Variants in NRXN1 observed in about 807,000 individuals in gnomAD.
NRXN1 encodes the protein neurexin-1.
A neutral mutation model predicts 150.9 loss-of-function variants in NRXN1; 39 were observed. The observed-to-expected ratio is 0.26, with a 90% CI of 0.20 to 0.34. The LOEUF (loss-of-function observed/expected upper bound fraction) is 0.34, where lower values mean the gene tolerates loss of function less well. Ranked by LOEUF, NRXN1 falls within the 10% of genes least tolerant of loss-of-function variation. The probability of loss-of-function intolerance (pLI) is 1.00; values close to 1 mark genes in which losing one functional copy is unlikely to be tolerated. For synonymous variants in NRXN1, 924 were observed against 757.0 expected (o/e 1.22, Z -3.62); for missense variants, 1,815 against 1,949.9 (o/e 0.93, Z 1.30).
chr2:50,761,459 T>C (rs774406556), intron 5 of NRXN1, among the ~76,000 whole-genome samples: 11 of 151,952 alleles, frequency 7.2e-5, no homozygotes, highest in Non-Finnish European at 1.5e-4. Context: ...CCATGTAAGA[T>C]GCGCCTTTGC....
intron 5 of NRXN1, among the ~76,000 whole-genome samples, chr2:50,839,892 G>T (rs1374223570): frequency 6.6e-6 from 1 of 152,068 alleles, no homozygotes; most frequent in African/African-American, 2.4e-5. Flanking sequence ...TTTTAAGTAG[G>T]GTGGGAGGGG....
At chr2:50,046,451 T>C (rs761801887) in intron 21 of NRXN1, among the ~76,000 whole-genome samples, 1 of 152,190 alleles carries the variant, frequency 6.6e-6, no homozygotes, top group African/African-American at 2.4e-5. Flanking sequence ...GTAAGAAAGA[T>C]GCTTTAATTT....
At position 50,228,941 on chromosome 2, in the gene NRXN1, G is replaced by A. The variant is rs370652227; in HGVS notation, c.3546+7848C>T. 4.9e-4 allele frequency among the ~76,000 whole-genome samples: 74 copies of A among 151,996 alleles called. 1 individual carries two copies. The East Asian group carries it at 0.011, about 23-fold the overall frequency. The stretch of plus-strand genomic sequence containing the variant: ...GGAGAGAGGCCTCCTCTGTGTTGTC[G>A]ATATAAGAATCCCTAGTTCTGGTCT... On this transcript the variant is annotated intron_variant, in intron 18 of 22. Transcript: ENST00000401669.
intron 17 of NRXN1, among the ~76,000 whole-genome samples, chr2:50,383,606 T>C (rs2081121497): frequency 6.6e-6 from 1 of 152,198 alleles, no homozygotes; most frequent in African/African-American, 2.4e-5. Context: ...CACCCCCTAC[T>C]ATGGCTTTAT....
chr2:50,507,790 G>C (rs1051481755), intron 12 of NRXN1, among the ~76,000 whole-genome samples: 1 of 151,814 alleles, frequency 6.6e-6, no homozygotes, highest in African/African-American at 2.4e-5. Context: ...TTTTTCCCTG[G>C]TGTTTTTTTA....
chr2:50,342,630 C>A (rs1485236008), intron 17 of NRXN1, among the ~76,000 whole-genome samples: 1 of 152,332 alleles, frequency 6.6e-6, no homozygotes, highest in Middle Eastern at 3.4e-3. Flanking sequence ...CTGCAGGACT[C>A]CAGTGAGGTA....
At chr2:49,989,738 T>C (rs1423820559) in intron 21 of NRXN1, among the ~76,000 whole-genome samples, 1 of 152,170 alleles carries the variant, frequency 6.6e-6, no homozygotes. Context: ...ATAAATCTTA[T>C]CTATAGCAAG....
intron 5 of NRXN1, among the ~76,000 whole-genome samples, chr2:50,732,865 A>G (rs1488803885): frequency 1.3e-5 from 2 of 152,170 alleles, no homozygotes. Flanking sequence ...GTGAAGCTGA[A>G]TGTACAAAAC....
At chr2:50,840,605 T>TACC in intron 5 of NRXN1, among the ~76,000 whole-genome samples, 1 of 152,218 alleles carries the variant, frequency 6.6e-6, no homozygotes, top group East Asian at 1.9e-4. Context: ...TGCTCCCTCT[T>TACC]ACCATGCCTT....
At position 50,017,299 on chromosome 2, in the gene NRXN1, G is replaced by GC. The variant is rs200557304; in HGVS notation, c.4128+35971dup. The stretch of plus-strand genomic sequence containing the variant: ...CACTTATTTCAAATGTGCAGTAACA[G>GC]CCCCCAAGTGATGTATTGTCAAAAT... On this transcript the variant is annotated intron_variant, in intron 21 of 22. Transcript: ENST00000401669. 2.4e-4 allele frequency among the ~76,000 whole-genome samples: 37 copies of GC among 152,144 alleles called. No homozygotes were observed. In the East Asian group the frequency reaches 7.0e-3, roughly 29 times the overall value.
chr2:50,488,868 C>A (rs1156702118), intron 15 of NRXN1, among the ~76,000 whole-genome samples: 1 of 152,186 alleles, frequency 6.6e-6, no homozygotes, highest in Non-Finnish European at 1.5e-5. Flanking sequence ...TCTAAGAAGA[C>A]AACGCATCAC....
chr2:50,117,500 G>T (rs1169879263), intron 18 of NRXN1, among the ~76,000 whole-genome samples: 1 of 152,078 alleles, frequency 6.6e-6, no homozygotes, highest in African/African-American at 2.4e-5. Context: ...AGCCTGAAAG[G>T]TAGAAGGCAG....
At chr2:50,252,633 T>C (rs993660827) in intron 17 of NRXN1, among the ~76,000 whole-genome samples, 1 of 152,144 alleles carries the variant, frequency 6.6e-6, no homozygotes, top group Non-Finnish European at 1.5e-5. Context: ...CCATTTTCTG[T>C]ATATGGCTAG....
chr2:50,089,271 T>A (rs1176980183), intron 19 of NRXN1, among the ~76,000 whole-genome samples: 14 of 152,182 alleles, frequency 9.2e-5, no homozygotes, highest in Admixed American at 9.2e-4. Context: ...AATGCCACAC[T>A]GCAATAGTAA....
intron 5 of NRXN1, among the ~76,000 whole-genome samples, chr2:50,906,537 A>T (rs1178808954): frequency 6.6e-6 from 1 of 152,076 alleles, no homozygotes; most frequent in African/African-American, 2.4e-5. Flanking sequence ...AATTGTTGCT[A>T]TGCTGTTTTC....
At chr2:49,997,285 T>C (rs1160273107) in intron 21 of NRXN1, among the ~76,000 whole-genome samples, 2 of 152,126 alleles carry the variant, frequency 1.3e-5, no homozygotes, top group Admixed American at 6.5e-5. Flanking sequence ...CTATTGACCA[T>C]TGGGAAAATT....
At chr2:51,024,093 T>A (rs893019947) in intron 2 of NRXN1, among the ~76,000 whole-genome samples, 1 of 152,232 alleles carries the variant, frequency 6.6e-6, no homozygotes, top group African/African-American at 2.4e-5. Context: ...TTAAACTGGA[T>A]AGCTATGAAA....
chr2:50,870,642 C>A (rs1468733022), intron 5 of NRXN1, among the ~76,000 whole-genome samples: 3 of 151,910 alleles, frequency 2.0e-5, no homozygotes, highest in Non-Finnish European at 4.4e-5. Flanking sequence ...CCATGTGTTG[C>A]CCTATTATCT....
intron 18 of NRXN1, among the ~76,000 whole-genome samples, chr2:50,165,410 G>A (rs913362569): frequency 2.0e-5 from 3 of 152,138 alleles, no homozygotes; most frequent in South Asian, 2.1e-4. Flanking sequence ...GTGCAGTGGC[G>A]CAATCTCAGC....
Sources: gnomAD v4.1 joint callset for allele counts (sites outside exome capture counted in the v4.1 genomes callset) on GRCh38, gnomAD v4.1.1 for gene constraint, MANE v1.5 for transcripts, NCBI Gene and HGNC (gene_info 2026-07-23, HGNC 2026-07-21) for gene names.